The following AFDN variants were observed in gnomAD, a reference collection of about 807,000 sequenced individuals.
AFDN encodes the protein afadin, adherens junction formation factor.
In AFDN, 68 loss-of-function variants were observed where a neutral mutation model predicts 216.6. The ratio of observed to expected loss-of-function variants is 0.31; its 90% CI spans 0.26 to 0.38. The LOEUF is 0.38. Among genes scored for constraint, AFDN ranks in the 10% least tolerant of loss-of-function variants. The probability of loss-of-function intolerance (pLI) is 1.00; values close to 1 mark genes in which losing one functional copy is unlikely to be tolerated. For synonymous variants in AFDN, 868 were observed against 853.7 expected (o/e 1.02, Z -0.29); for missense variants, 2,136 against 2,342.0 (o/e 0.91, Z 1.82).
intron 3 of AFDN, among the ~76,000 whole-genome samples, chr6:167,871,292 A>C (rs1386923019): frequency 1.3e-5 from 2 of 152,198 alleles, no homozygotes; most frequent in Admixed American, 6.5e-5. Flanking sequence ...AATACAAAAA[A>C]AGTTAAGAAT....
intron 1 of AFDN, among the ~76,000 whole-genome samples, chr6:167,832,901 C>T (rs1157703238): frequency 6.6e-6 from 1 of 152,200 alleles, no homozygotes; most frequent in Non-Finnish European, 1.5e-5. Flanking sequence ...TTGTAAGCGT[C>T]ACTCCTTTGT....
At chr6:167,908,428 T>G (rs1324062601) in intron 13 of AFDN, among the ~76,000 whole-genome samples, 1 of 152,254 alleles carries the variant, frequency 6.6e-6, no homozygotes, top group East Asian at 1.9e-4. Context: ...CATGTGATAA[T>G]AAATAGTTTA....
chr6:167,851,396 T>G (rs1782289975), intron 1 of AFDN, among the ~76,000 whole-genome samples: 3 of 152,202 alleles, frequency 2.0e-5, no homozygotes, highest in Admixed American at 1.3e-4. Context: ...CTAGTATCCA[T>G]TAGATATTTT....
chr6:167,873,520 C>T (rs1467962182), intron 4 of AFDN, among the ~76,000 whole-genome samples: 1 of 152,068 alleles, frequency 6.6e-6, no homozygotes, highest in East Asian at 1.9e-4. Context: ...TATCCTTGTT[C>T]TACGACTTAG....
In AFDN at chr6:167,907,393, A is replaced by G. The variant is rs557574175; in HGVS notation, c.1769+104A>G. 78 of 849,444 alleles carry G rather than the reference A, an allele frequency of 9.2e-5. 1 individual carries two copies. In the South Asian group the frequency reaches 1.2e-3, roughly 13 times the overall value. The allele number at this position is 849,444 out of a possible 1,614,324, so 52.6% of individuals were successfully genotyped here. ...TTATAAAGGTTCAGCTGACATGTTT[A>G]CAATGTTAGCAATAATATTTTAAGG... is the stretch of plus-strand genomic sequence containing the variant. On this transcript the variant is annotated intron_variant, in intron 13 of 33. Coordinates refer to ENST00000683244, the MANE Select transcript of AFDN (RefSeq NM_001386888.1).
At chr6:167,829,360 G>A (rs1779579563) in intron 1 of AFDN, among the ~76,000 whole-genome samples, 1 of 152,026 alleles carries the variant, frequency 6.6e-6, no homozygotes, top group African/African-American at 2.4e-5. Flanking sequence ...TTATTATGAT[G>A]TAGGTAAACT....
In AFDN at chr6:167,947,842, G is replaced by C; in HGVS notation, c.3554-11G>C. On this transcript the variant is annotated splice_polypyrimidine_tract_variant and intron_variant, in intron 27 of 33. Transcript: ENST00000683244. ...TATTACACTTTTTTTTTTCCCCCCT[G>C]ACTTGAGCAGATCAGCCTCCTAGTC... 6.3e-7 allele frequency: 1 copy of C among 1,585,886 alleles called. No homozygotes were observed. The highest frequency in any genetic ancestry group is 8.6e-7 in the Non-Finnish European group (1 of 1,158,230).
intron 30 of AFDN, among the ~76,000 whole-genome samples, chr6:167,955,760 A>G (rs1258216010): frequency 1.3e-5 from 2 of 152,094 alleles, no homozygotes; most frequent in Non-Finnish European, 2.9e-5. Flanking sequence ...TCTTAACCAC[A>G]TGTTTCTGAG....
intron 6 of AFDN, among the ~76,000 whole-genome samples, chr6:167,881,086 A>G (rs1230609912): frequency 6.6e-6 from 1 of 152,182 alleles, no homozygotes; most frequent in Non-Finnish European, 1.5e-5. Context: ...TAGTCTTCCA[A>G]TTTGTGAGCA....
At chr6:167,836,534 T>TA (rs200763003) in intron 1 of AFDN, among the ~76,000 whole-genome samples, 2,010 of 152,260 alleles carry the variant, frequency 0.013, 55 homozygotes, top group African/African-American at 0.046. Flanking sequence ...GTGGATATAT[T>TA]AAAAAAATAC....
In AFDN at chr6:167,966,018, G is replaced by A; in HGVS notation, c.5230G>A (p.Glu1744Lys). The change falls in exon 32 of 34, where the codon GAG (glutamate) becomes AAG (lysine). Residue 1744 changes from glutamate to lysine, a missense_variant. Glu to Lys is a moderately conservative substitution (Grantham distance 56). Around this residue, in one of 8 missense-constraint regions of AFDN, gnomAD observed 981 missense variants for 966.0 expected, o/e 1.02. Coordinates refer to ENST00000683244, the MANE Select transcript of AFDN (RefSeq NM_001386888.1). ...CAAGTTTGTTGCATACAATGAGGAG[G>A]AGGAGGAGGAGGACTGCAGCCTAGC... ...TAKFVAYNEE[E>K]EEEDCSLAGP... 6.5e-7 allele frequency: 1 copy of A among 1,548,516 alleles called. No individual in the cohort carries two copies. The highest frequency in any genetic ancestry group is 8.7e-7 in the Non-Finnish European group (1 of 1,146,898).
At chr6:167,839,246 A>G (rs1187794810) in intron 1 of AFDN, among the ~76,000 whole-genome samples, 1 of 152,202 alleles carries the variant, frequency 6.6e-6, no homozygotes, top group East Asian at 1.9e-4. Context: ...ATTAAATGTA[A>G]TGGAAATTAT....
At position 167,965,663 on chromosome 6, in the gene AFDN, G is replaced by A. The variant is rs141876949; in HGVS notation, c.4969-94G>A. 1,345 of 1,183,654 alleles carry A rather than the reference G, an allele frequency of 1.1e-3. 33 individuals carry two copies. The Admixed American group carries it at 0.036, about 32-fold the overall frequency. The allele number at this position is 1,183,654 out of a possible 1,614,324, so 73.3% of individuals were successfully genotyped here. A position where few individuals can be genotyped will look rare whatever the true frequency, so the allele number is the denominator to read the frequency against. On this transcript the variant is annotated intron_variant, in intron 31 of 33. Transcript: ENST00000683244. ...GTAACTATTAAACTTTGACGTCAGT[G>A]TGATGATGAGGATTGTTCCCTTTGA...
At chr6:167,903,986 T>C (rs1209347314) in intron 12 of AFDN, among the ~76,000 whole-genome samples, 1 of 152,208 alleles carries the variant, frequency 6.6e-6, no homozygotes, top group South Asian at 2.1e-4. Flanking sequence ...AACCACCTAG[T>C]AGTGGTTTCT....
At chr6:167,905,802 G>A (rs9364368) in intron 12 of AFDN, among the ~76,000 whole-genome samples, 45,915 of 152,060 alleles carry the variant, frequency 0.3, 7,981 homozygotes, top group East Asian at 0.6. Context: ...CAGCAATTGT[G>A]TTTCTATAAA....
At chr6:167,902,840 C>T (rs770061680) in intron 12 of AFDN, among the ~76,000 whole-genome samples, 8 of 152,144 alleles carry the variant, frequency 5.3e-5, no homozygotes, top group Non-Finnish European at 1.0e-4. Flanking sequence ...TATAAAACAT[C>T]TTTGTAAAAA....
intron 8 of AFDN, among the ~76,000 whole-genome samples, chr6:167,893,004 T>A (rs139674104): frequency 0.012 from 1,755 of 152,318 alleles, 39 homozygotes; most frequent in African/African-American, 0.04. Flanking sequence ...CTTCCCGCCT[T>A]CAGGTAATTC....
Position 167,891,037 on chromosome 6 carries a change from A to T in AFDN, c.1177+8A>T. On this transcript the variant is annotated splice_region_variant and intron_variant, in intron 8 of 33. Coordinates refer to ENST00000683244, the MANE Select transcript of AFDN (RefSeq NM_001386888.1). ...TAGTAGAGTTAAGCCCAGGTGAGAA[A>T]ACTGGTCACACCAGCACACATTATT... 3 of 1,606,510 alleles carry T rather than the reference A, an allele frequency of 1.9e-6. No individual in the cohort carries two copies. The highest frequency in any genetic ancestry group is 2.5e-6 in the Non-Finnish European group (3 of 1,177,088).
chr6:167,969,892 C>G lies in AFDN; in HGVS notation c.5453C>G (p.Ser1818Cys). The change falls in exon 34 of 34, where the codon TCT (serine) becomes TGT (cysteine). Residue 1818 changes from serine (S) to cysteine (C), a missense_variant. Around this residue, in one of 8 missense-constraint regions of AFDN, gnomAD observed 981 missense variants for 966.0 expected, o/e 1.02. Transcript: ENST00000683244. The part of the protein sequence containing the change: ...GQDVSNKVKA[S>C]RKLTELENEL... ...GATGTATCCAATAAAGTGAAAGCTTCTCGTAAATTAACAGAACTGGAGAAT... is the reference window on the plus strand; with the variant it reads ...GATGTATCCAATAAAGTGAAAGCTTGTCGTAAATTAACAGAACTGGAGAAT... 2 of 1,612,248 alleles carry G rather than the reference C, an allele frequency of 1.2e-6. No individual in the cohort carries two copies. The highest frequency in any genetic ancestry group is 1.7e-6 in the Non-Finnish European group (2 of 1,179,452).
Sources: allele counts gnomAD v4.1 joint callset (sites outside exome capture counted in the v4.1 genomes callset), GRCh38; gene constraint gnomAD v4.1.1; regional missense constraint gnomAD v4.1.1; transcripts MANE v1.5; gene names NCBI Gene and HGNC (gene_info 2026-07-23, HGNC 2026-07-21).